The following PRKX variants were observed in gnomAD, a reference collection of about 807,000 sequenced individuals.
The protein encoded by PRKX is cAMP-dependent protein kinase catalytic subunit PRKX.
PRKX carries 12 observed loss-of-function variants against 22.0 expected under a neutral mutation model. The ratio of observed to expected loss-of-function variants is 0.54; its 90% confidence interval spans 0.35 to 0.88. PRKX has a LOEUF of 0.88. Among genes scored for constraint, PRKX ranks in the 40% least tolerant of loss-of-function variants. The pLI, the probability that PRKX is intolerant of heterozygous loss-of-function variation, is 0.01. For missense variants in PRKX, 217 were observed against 308.0 expected, an observed-to-expected ratio of 0.70 and a Z score of 2.21; for synonymous variants, 134 against 137.7, an observed-to-expected ratio of 0.97 and a Z score of 0.19.
chrX:3,618,050 CAAAA>C (rs755608512), intron 6 of PRKX, among the ~76,000 whole-genome samples: 1 of 60,639 alleles, frequency 1.6e-5, no homozygotes, highest in African/African-American at 6.5e-5. Flanking sequence ...TGCTGTGTCT[CAAAA>C]AAAAAAAAAA....
At chrX:3,612,964 C>G (rs1318694670) in intron 7 of PRKX, among the ~76,000 whole-genome samples, 1 of 107,219 alleles carries the variant, frequency 9.3e-6, no homozygotes, top group Non-Finnish European at 1.9e-5. Flanking sequence ...AACAGCCTGG[C>G]CCATGGAGAA....
At chrX:3,628,223 G>A (rs185770748) in intron 4 of PRKX, among the ~76,000 whole-genome samples, 1 of 110,992 alleles carries the variant, frequency 9.0e-6, no homozygotes, top group East Asian at 2.9e-4. Context: ...GGATAAAGAA[G>A]AACAGAGGAT....
At chrX:3,634,805 T>C (rs764359500) in intron 4 of PRKX, among the ~76,000 whole-genome samples, 2 of 111,954 alleles carry the variant, frequency 1.8e-5, no homozygotes, top group South Asian at 7.5e-4. Flanking sequence ...TCCTCCCACC[T>C]CAGCCTCCCA....
chrX:3,702,693 C>A (rs1362564685), intron 1 of PRKX, among the ~76,000 whole-genome samples: 2 of 89,077 alleles, frequency 2.2e-5, no homozygotes, highest in Non-Finnish European at 4.4e-5. Flanking sequence ...GTCTATTTTT[C>A]TTTTTTTTTT....
At chrX:3,674,207 C>T (rs941917815) in intron 2 of PRKX, among the ~76,000 whole-genome samples, 1 of 110,847 alleles carries the variant, frequency 9.0e-6, no homozygotes, top group Non-Finnish European at 1.9e-5. Context: ...AGCCCAGCCC[C>T]GTCCACGTGA....
At chrX:3,669,567 G>A (rs1247865244) in intron 2 of PRKX, among the ~76,000 whole-genome samples, 10 of 111,602 alleles carry the variant, frequency 9.0e-5, no homozygotes, top group Non-Finnish European at 1.1e-4. Context: ...CCATGATCCC[G>A]CCCCATGTGT....
intron 1 of PRKX, among the ~76,000 whole-genome samples, chrX:3,711,876 A>G (rs865850408): frequency 3.6e-5 from 4 of 109,909 alleles, no homozygotes. Flanking sequence ...GAAGAGAAAC[A>G]GAGAAAAGAG....
At chrX:3,615,229 G>T (rs1320259290) in intron 7 of PRKX, among the ~76,000 whole-genome samples, 1 of 109,659 alleles carries the variant, frequency 9.1e-6, no homozygotes, top group African/African-American at 3.3e-5. Context: ...ATATTGCCCA[G>T]GCTAGTCTCA....
Position 3,713,107 on chromosome X carries a change from A to AGCGTGTCG in PRKX, c.146_147insCGACACGC (p.Ala53ThrfsTer17). 1 of 1,167,873 alleles carries AGCGTGTCG rather than the reference A, an allele frequency of 8.6e-7. No homozygotes were observed. ...ACTCACCCACGGTGGCCAGCGTGTC[A>AGCGTGTCG]AAGTCCTGCAGGCTGTACACAGGCG... On this transcript the variant is annotated frameshift_variant, in exon 1 of 9. Transcript: ENST00000262848. LOFTEE classifies it high-confidence loss of function.
At chrX:3,677,436 C>T (rs185227036) in intron 1 of PRKX, among the ~76,000 whole-genome samples, 1 of 106,618 alleles carries the variant, frequency 9.4e-6, no homozygotes, top group East Asian at 2.9e-4. Context: ...CTCAAGTGAC[C>T]CTCCCACCTC....
intron 4 of PRKX, among the ~76,000 whole-genome samples, chrX:3,639,331 A>AGATGGATGAAGGGGTGGGGGGGGTG: frequency 1.2e-3 from 1 of 859 alleles, no homozygotes; most frequent in South Asian, 0.048. Flanking sequence ...GTGGGGTGGT[A>AGATGGATGAAGGGGTGGGGGGGGTG]GATGGATGAA....
At chrX:3,659,836 C>G (rs1467266807) in intron 2 of PRKX, among the ~76,000 whole-genome samples, 1 of 108,352 alleles carries the variant, frequency 9.2e-6, no homozygotes, top group Non-Finnish European at 1.9e-5. Context: ...GTGATTCTCC[C>G]GCCTCAGCCT....
intron 1 of PRKX, among the ~76,000 whole-genome samples, chrX:3,684,770 G>A (rs753868866): frequency 2.5e-4 from 28 of 111,139 alleles, no homozygotes; most frequent in African/African-American, 9.1e-4. Flanking sequence ...TCACAGGGTC[G>A]TCCTCTATGT....
intron 1 of PRKX, among the ~76,000 whole-genome samples, chrX:3,684,499 A>C (rs967159657): frequency 8.9e-6 from 1 of 112,043 alleles, no homozygotes; most frequent in African/African-American, 3.2e-5. Flanking sequence ...CGTAAATGAA[A>C]AAAAGTACCT....
intron 1 of PRKX, among the ~76,000 whole-genome samples, chrX:3,691,952 T>TTGGA (rs942636889): frequency 9.2e-6 from 1 of 108,866 alleles, no homozygotes; most frequent in East Asian, 2.9e-4. Context: ...GATTAATTGA[T>TTGGA]TGGATGGATG....
intron 5 of PRKX, among the ~76,000 whole-genome samples, chrX:3,624,836 C>G (rs1926628690): frequency 9.1e-6 from 1 of 110,192 alleles, no homozygotes; most frequent in Non-Finnish European, 1.9e-5. Context: ...TCCAGGCTGG[C>G]CTCAAACTAT....
intron 6 of PRKX, among the ~76,000 whole-genome samples, chrX:3,620,474 A>G (rs1266392017): frequency 8.9e-6 from 1 of 112,331 alleles, no homozygotes; most frequent in Non-Finnish European, 1.9e-5. Flanking sequence ...TCCACGGCCT[A>G]TGAGGAACCA....
intron 2 of PRKX, among the ~76,000 whole-genome samples, chrX:3,664,242 GT>G (rs1927674099): frequency 9.0e-6 from 1 of 111,494 alleles, no homozygotes; most frequent in Non-Finnish European, 1.9e-5. Flanking sequence ...TTACTTTTTT[GT>G]TTTTTTCCTA....
intron 1 of PRKX, among the ~76,000 whole-genome samples, chrX:3,701,354 C>A (rs957621466): frequency 1.8e-5 from 2 of 112,270 alleles, no homozygotes; most frequent in Admixed American, 1.9e-4. Flanking sequence ...GATTCTCCCT[C>A]CTTGACCTCC....
Sources: gnomAD v4.1 joint callset for allele counts (sites outside exome capture counted in the v4.1 genomes callset) on GRCh38, gnomAD v4.1.1 for gene constraint, MANE v1.5 for transcripts, NCBI Gene and HGNC (gene_info 2026-07-23, HGNC 2026-07-21) for gene names.